Variants in B3GALT1 observed in about 807,000 individuals in gnomAD.
The protein encoded by B3GALT1 is beta-1,3-galactosyltransferase 1.
Under a neutral mutation model 23.2 loss-of-function variants are expected in B3GALT1, and 10 were observed. The observed-to-expected ratio is 0.43, with a 90% CI of 0.27 to 0.73. The LOEUF (loss-of-function observed/expected upper bound fraction) is 0.73, where lower values mean the gene tolerates loss of function less well. Among genes scored for constraint, B3GALT1 ranks in the 30% least tolerant of loss-of-function variants. The pLI, the probability that B3GALT1 is intolerant of heterozygous loss-of-function variation, is 0.21. For missense variants in B3GALT1, 299 were observed against 405.4 expected (o/e 0.74, Z 2.25); for synonymous variants, 156 against 141.5 (o/e 1.10, Z -0.73).
chr2:167,635,924 G>A (rs542563923), intron 2 of B3GALT1, among the ~76,000 whole-genome samples: 45 of 151,980 alleles, frequency 3.0e-4, no homozygotes, highest in Non-Finnish European at 5.3e-4. Context: ...GAGGCATCAC[G>A]CTACCTGACT....
intron 1 of B3GALT1, among the ~76,000 whole-genome samples, chr2:167,459,639 CATT>C (rs1699226291): frequency 6.6e-6 from 1 of 152,096 alleles, no homozygotes; most frequent in South Asian, 2.1e-4. Context: ...ATTTACAAGT[CATT>C]ATTATAATAA....
chr2:167,814,087 G>A (rs1052766259), intron 3 of B3GALT1, among the ~76,000 whole-genome samples: 1 of 152,112 alleles, frequency 6.6e-6, no homozygotes. Context: ...TACAAGTAAA[G>A]GCATAGCAAT....
chr2:167,590,585 G>A (rs1684663073), intron 2 of B3GALT1, among the ~76,000 whole-genome samples: 1 of 152,138 alleles, frequency 6.6e-6, no homozygotes, highest in Non-Finnish European at 1.5e-5. Context: ...AAGCTTTCAA[G>A]AGAGTCTCAA....
chr2:167,528,124 A>G (rs538707417), intron 2 of B3GALT1, among the ~76,000 whole-genome samples: 1 of 152,286 alleles, frequency 6.6e-6, no homozygotes, highest in Non-Finnish European at 1.5e-5. Flanking sequence ...TGCACTTAGA[A>G]TAAAAGCCAC....
chr2:167,849,414 A>G (rs979637050), intron 4 of B3GALT1, among the ~76,000 whole-genome samples: 1 of 152,226 alleles, frequency 6.6e-6, no homozygotes, highest in African/African-American at 2.4e-5. Context: ...TAGACAACCC[A>G]GAAATACACC....
chr2:167,447,943 A>G (rs1460473109), intron 1 of B3GALT1, among the ~76,000 whole-genome samples: 2 of 152,006 alleles, frequency 1.3e-5, no homozygotes, highest in African/African-American at 2.4e-5. Context: ...CGTCGCTCAT[A>G]CTGGGAGCTG....
intron 3 of B3GALT1, among the ~76,000 whole-genome samples, chr2:167,718,541 A>G (rs1247050020): frequency 6.6e-6 from 1 of 152,232 alleles, no homozygotes; most frequent in Non-Finnish European, 1.5e-5. Context: ...TGAGACTCCT[A>G]TAAAAAAGAT....
chr2:167,527,820 T>TAAA (rs1235706532), intron 2 of B3GALT1, among the ~76,000 whole-genome samples: 2 of 152,170 alleles, frequency 1.3e-5, no homozygotes, highest in African/African-American at 2.4e-5. Flanking sequence ...GCTGCATATG[T>TAAA]AACGGCAATG....
intron 2 of B3GALT1, among the ~76,000 whole-genome samples, chr2:167,551,602 C>T (rs544381250): frequency 3.3e-5 from 5 of 152,278 alleles, no homozygotes; most frequent in Non-Finnish European, 4.4e-5. Context: ...CAACAGCCTG[C>T]TCTCTAAGCA....
At chr2:167,376,965 G>A (rs191362295) in intron 1 of B3GALT1, among the ~76,000 whole-genome samples, 33 of 152,072 alleles carry the variant, frequency 2.2e-4, no homozygotes, top group African/African-American at 6.3e-4. Context: ...AACTTTTTGA[G>A]GTAGGCACTT....
At chr2:167,824,619 A>G (rs1180176053) in intron 4 of B3GALT1, among the ~76,000 whole-genome samples, 1 of 152,096 alleles carries the variant, frequency 6.6e-6, no homozygotes, top group Non-Finnish European at 1.5e-5. Flanking sequence ...TCCAGCCTCA[A>G]CCTGGCCAGG....
intron 4 of B3GALT1, among the ~76,000 whole-genome samples, chr2:167,833,884 A>G (rs1444761718): frequency 6.6e-6 from 1 of 152,190 alleles, no homozygotes; most frequent in East Asian, 1.9e-4. Context: ...GGTACTGTTT[A>G]CACCTAGAGT....
chr2:167,597,591 C>T lies in B3GALT1; in HGVS notation c.-409-49318C>T, dbSNP rs10192028. Among the ~76,000 whole-genome samples the T allele has an allele frequency of 9.0e-4, 137 of 152,300 alleles. 1 individual carries two copies. The highest frequency in any genetic ancestry group is 3.0e-3 in the African/African-American group (125 of 41,584). On this transcript the variant is annotated intron_variant, in intron 2 of 4. Coordinates refer to ENST00000392690, the MANE Select transcript of B3GALT1 (RefSeq NM_020981.4). ...TGAGGGAGCTTTGGGATTTCCATATCCTACCACATCACCTGTTTCCCCTGA... is the reference window on the plus strand; with the variant it reads ...TGAGGGAGCTTTGGGATTTCCATATTCTACCACATCACCTGTTTCCCCTGA...
rs541880946 is a variant in B3GALT1 at position 167,394,813 on chromosome 2, G to A, written c.-510-95364G>A. ...CAGGCATTGAAACCTAATAGAGTTT[G>A]TCCAGTTGGAAGTGAAATTACTTAG... On this transcript the variant is annotated intron_variant, in intron 1 of 4. Transcript: ENST00000392690. Among the ~76,000 whole-genome samples the A allele has an allele frequency of 1.8e-4, 27 of 152,260 alleles. 1 individual carries two copies. The South Asian group carries it at 5.6e-3, about 32-fold the overall frequency.
At chr2:167,845,473 G>T (rs1348901443) in intron 4 of B3GALT1, among the ~76,000 whole-genome samples, 4 of 152,162 alleles carry the variant, frequency 2.6e-5, no homozygotes, top group Non-Finnish European at 4.4e-5. Flanking sequence ...CTTACTTACG[G>T]AGTGGCTAGA....
intron 2 of B3GALT1, among the ~76,000 whole-genome samples, chr2:167,560,420 A>G (rs1160341752): frequency 6.6e-6 from 1 of 152,202 alleles, no homozygotes; most frequent in African/African-American, 2.4e-5. Context: ...TAACCAGCTA[A>G]CATCATAATG....
At chr2:167,830,674 A>G (rs1689329651) in intron 4 of B3GALT1, among the ~76,000 whole-genome samples, 1 of 152,262 alleles carries the variant, frequency 6.6e-6, no homozygotes, top group South Asian at 2.1e-4. Context: ...TTGAAAATAT[A>G]TACCACCAAA....
intron 3 of B3GALT1, among the ~76,000 whole-genome samples, chr2:167,739,597 C>A (rs1687544976): frequency 6.6e-6 from 1 of 152,028 alleles, no homozygotes; most frequent in African/African-American, 2.4e-5. Flanking sequence ...CTGATTCTAG[C>A]CTATTTTATT....
chr2:167,427,119 T>C (rs1165058003), intron 1 of B3GALT1, among the ~76,000 whole-genome samples: 2 of 152,172 alleles, frequency 1.3e-5, no homozygotes, highest in East Asian at 3.9e-4. Flanking sequence ...ATTTAATTTA[T>C]CCAAAGCTCA....
Sources: gnomAD v4.1 joint callset for allele counts (sites outside exome capture counted in the v4.1 genomes callset) on GRCh38, gnomAD v4.1.1 for gene constraint, MANE v1.5 for transcripts, NCBI Gene and HGNC (gene_info 2026-07-23, HGNC 2026-07-21) for gene names.